The following RPIA variants were observed in gnomAD, a reference collection of about 807,000 sequenced individuals.
RPIA encodes the protein ribose 5-phosphate isomerase A, also known as ribose-5-phosphate isomerase.
RPIA carries 29 observed loss-of-function variants against 37.8 expected under a neutral mutation model. The ratio of observed to expected loss-of-function variants is 0.77; its 90% confidence interval spans 0.57 to 1.05. The LOEUF (loss-of-function observed/expected upper bound fraction) is 1.05. Among genes scored for constraint, RPIA ranks in the 50% least tolerant of loss-of-function variants. The pLI is 0.00. For synonymous variants in RPIA, 167 were observed against 157.0 expected, an observed-to-expected ratio of 1.06 and a Z score of -0.48; for missense variants, 385 against 413.6, an observed-to-expected ratio of 0.93 and a Z score of 0.60.
At chr2:88,727,249 C>T (rs1673210770) in intron 3 of RPIA, among the ~76,000 whole-genome samples, 1 of 152,316 alleles carries the variant, frequency 6.6e-6, no homozygotes, top group East Asian at 1.9e-4. Flanking sequence ...ATTGGTCACT[C>T]ACACAGACTA....
intron 3 of RPIA, among the ~76,000 whole-genome samples, chr2:88,710,067 G>C (rs1004275459): frequency 1.3e-5 from 2 of 151,982 alleles, no homozygotes; most frequent in African/African-American, 4.8e-5. Flanking sequence ...TTTTTTTTGA[G>C]ACAGGGTCTT....
At chr2:88,706,857 AAAATGG>A (rs1672903814) in intron 3 of RPIA, among the ~76,000 whole-genome samples, 1 of 152,234 alleles carries the variant, frequency 6.6e-6, no homozygotes, top group South Asian at 2.1e-4. Context: ...CCCATTGGGA[AAAATGG>A]GTATTACTTA....
intron 3 of RPIA, among the ~76,000 whole-genome samples, chr2:88,707,230 C>T (rs1274219099): frequency 2.6e-5 from 4 of 152,154 alleles, no homozygotes; most frequent in African/African-American, 7.2e-5. Flanking sequence ...AGCTTCCCAA[C>T]CCATACCTTC....
chr2:88,717,392 C>G (rs572360824), intron 3 of RPIA, among the ~76,000 whole-genome samples: 60 of 152,168 alleles, frequency 3.9e-4, no homozygotes, highest in Non-Finnish European at 6.6e-4. Flanking sequence ...TCAACATATG[C>G]AAGATGAACA....
intron 3 of RPIA, among the ~76,000 whole-genome samples, chr2:88,707,470 C>T (rs773872782): frequency 1.1e-4 from 17 of 152,164 alleles, no homozygotes; most frequent in Middle Eastern, 3.4e-3. Flanking sequence ...ATTTGAGTAC[C>T]GGTTACAAAC....
chr2:88,715,251 A>G (rs948356461), intron 3 of RPIA, among the ~76,000 whole-genome samples: 1 of 152,230 alleles, frequency 6.6e-6, no homozygotes, highest in Admixed American at 6.5e-5. Flanking sequence ...GGTGAAGTCA[A>G]GGGACAGGAG....
At chr2:88,718,878 T>C (rs1182270125) in intron 3 of RPIA, among the ~76,000 whole-genome samples, 1 of 152,126 alleles carries the variant, frequency 6.6e-6, no homozygotes, top group Non-Finnish European at 1.5e-5. Context: ...AAGCTATAAA[T>C]AGCTTAAAAG....
At chr2:88,701,680 G>T (rs1349510244) in intron 3 of RPIA, among the ~76,000 whole-genome samples, 1 of 660 alleles carries the variant, frequency 1.5e-3, no homozygotes, top group East Asian at 0.056. Context: ...CAAGTTTGAG[G>T]ACTATAGATC....
intron 3 of RPIA, among the ~76,000 whole-genome samples, chr2:88,710,189 G>A (rs151006406): frequency 1.2e-3 from 180 of 152,296 alleles, no homozygotes; most frequent in African/African-American, 4.2e-3. Flanking sequence ...TGGGACTACA[G>A]GTGCATGCCA....
chr2:88,691,938 G>T lies in RPIA; in HGVS notation c.240G>T (p.Glu80Asp). 1.2e-6 allele frequency: 2 copies of T among 1,600,102 alleles called. No individual in the cohort carries two copies. Reference sequence around the variant, plus strand: ...CCTCCACGATGTCCAAGGCCGAGGAGGCCAAGAAGCTGGCGGGCCGCGCGG... The same window carrying T: ...CCTCCACGATGTCCAAGGCCGAGGATGCCAAGAAGCTGGCGGGCCGCGCGG... ...PAPSTMSKAE[E>D]AKKLAGRAAV... Residue 80 changes from glutamate to aspartate, a missense_variant, in exon 1 of 9, where the codon GAG becomes GAT. By Grantham distance (45) the Glu-to-Asp change is conservative (BLOSUM62 2). Coordinates refer to ENST00000283646, the MANE Select transcript of RPIA (RefSeq NM_144563.3).
At chr2:88,699,946 A>G (rs1286250936) in intron 2 of RPIA, 63 bp from the exon 3 acceptor site, 22 of 1,554,230 alleles carry the variant, frequency 1.4e-5, no homozygotes, top group Non-Finnish European at 2.0e-5. Context: ...GAGCAAACAC[A>G]TATGACAAGA....
intron 1 of RPIA, among the ~76,000 whole-genome samples, chr2:88,695,987 T>C (rs1048145818): frequency 6.6e-6 from 1 of 152,108 alleles, no homozygotes; most frequent in Admixed American, 6.5e-5. Context: ...TTTCTAGTTA[T>C]AGATGTAGTC....
At chr2:88,738,507 T>A (rs1673343611) in intron 8 of RPIA, among the ~76,000 whole-genome samples, 1 of 152,230 alleles carries the variant, frequency 6.6e-6, no homozygotes, top group Non-Finnish European at 1.5e-5. Context: ...GATGTTGTGC[T>A]GTGTGTTACA....
At chr2:88,711,325 C>G (rs1267047510) in intron 3 of RPIA, among the ~76,000 whole-genome samples, 2 of 152,204 alleles carry the variant, frequency 1.3e-5, no homozygotes, top group African/African-American at 4.8e-5. Flanking sequence ...TCTGTCAGTA[C>G]ATGTAACATG....
Position 88,720,865 on chromosome 2 carries a change from G to A in RPIA, c.403-8413G>A, listed in dbSNP as rs539330990. 7.1e-4 allele frequency among the ~76,000 whole-genome samples: 108 copies of A among 152,174 alleles called. 2 individuals are homozygous for A. The South Asian group carries it at 0.021, about 30-fold the overall frequency. The stretch of plus-strand genomic sequence containing the variant: ...TTTCACCCAGCAATCCCATTACTGG[G>A]TATATACCCAAAGGATTATAAATCA... On this transcript the variant is annotated intron_variant, in intron 3 of 8. Coordinates refer to ENST00000283646, the MANE Select transcript of RPIA (RefSeq NM_144563.3).
intron 1 of RPIA, among the ~76,000 whole-genome samples, chr2:88,693,822 A>T (rs1366413879): frequency 6.6e-6 from 1 of 152,220 alleles, no homozygotes; most frequent in African/African-American, 2.4e-5. Context: ...GATGGAAAAC[A>T]TGGAGAGTTC....
At chr2:88,735,309 C>T (rs1299823059) in intron 5 of RPIA, among the ~76,000 whole-genome samples, 1 of 152,194 alleles carries the variant, frequency 6.6e-6, no homozygotes, top group Non-Finnish European at 1.5e-5. Context: ...GGCAAGTAGT[C>T]GACTGGGCGG....
chr2:88,737,175 G>GT (rs1673325178), intron 7 of RPIA, among the ~76,000 whole-genome samples: 1 of 152,094 alleles, frequency 6.6e-6, no homozygotes, highest in African/African-American at 2.4e-5. Flanking sequence ...CAAATTTTTC[G>GT]TGTTTCTCTT....
chr2:88,704,280 T>A (rs1672872556), intron 3 of RPIA, among the ~76,000 whole-genome samples: 1 of 152,210 alleles, frequency 6.6e-6, no homozygotes. Context: ...TTCACGCAGC[T>A]GATAAAGACA....
Sources: gnomAD v4.1 joint callset for allele counts (sites outside exome capture counted in the v4.1 genomes callset) on GRCh38, gnomAD v4.1.1 for gene constraint, MANE v1.5 for transcripts, NCBI Gene and HGNC (gene_info 2026-07-23, HGNC 2026-07-21) for gene names.